Variants in RPS6KA5 observed in about 807,000 individuals in gnomAD.
RPS6KA5 encodes ribosomal protein S6 kinase A5, also known as ribosomal protein S6 kinase alpha-5.
A neutral mutation model predicts 85.5 loss-of-function variants in RPS6KA5; 27 were observed. That is an observed-to-expected ratio of 0.32 (90% CI 0.23 to 0.44). The LOEUF is 0.44. RPS6KA5 is among the 20% of genes least tolerant of loss of function. The pLI, the probability that RPS6KA5 is intolerant of heterozygous loss-of-function variation, is 1.00. For synonymous variants in RPS6KA5, 334 were observed against 348.2 expected (o/e 0.96, Z 0.46); for missense variants, 811 against 980.9 (o/e 0.83, Z 2.31).
intron 9 of RPS6KA5, among the ~76,000 whole-genome samples, chr14:90,902,186 A>AG (rs2035207250): frequency 6.7e-6 from 1 of 150,182 alleles, no homozygotes; most frequent in African/African-American, 2.5e-5. Flanking sequence ...TGTTTCTTAA[A>AG]AAAAAAAAAT....
At chr14:91,001,527 C>T (rs1011061539) in intron 1 of RPS6KA5, among the ~76,000 whole-genome samples, 14 of 152,196 alleles carry the variant, frequency 9.2e-5, no homozygotes, top group African/African-American at 2.6e-4. Context: ...ATTTATGATT[C>T]GACAAACATT....
chr14:91,005,388 CAT>C (rs1008921311), intron 1 of RPS6KA5, among the ~76,000 whole-genome samples: 9 of 152,202 alleles, frequency 5.9e-5, no homozygotes, highest in Non-Finnish European at 1.0e-4. Flanking sequence ...TTAGCAACCA[CAT>C]GTTTTTGTTG....
chr14:90,912,797 C>G (rs547401744), intron 7 of RPS6KA5, among the ~76,000 whole-genome samples: 41 of 151,984 alleles, frequency 2.7e-4, no homozygotes, highest in African/African-American at 9.6e-4. Context: ...TCTGTGGAAT[C>G]TGTGACTGCA....
At chr14:91,054,077 C>A (rs922249850) in intron 1 of RPS6KA5, among the ~76,000 whole-genome samples, 1 of 152,120 alleles carries the variant, frequency 6.6e-6, no homozygotes, top group African/African-American at 2.4e-5. Context: ...GGTGCCAAGA[C>A]ATTAAAATGG....
At chr14:91,016,019 G>A (rs975938499) in intron 1 of RPS6KA5, among the ~76,000 whole-genome samples, 7 of 152,168 alleles carry the variant, frequency 4.6e-5, no homozygotes, top group African/African-American at 1.7e-4. Flanking sequence ...GGGTGCTGTG[G>A]TGGGACTTAG....
rs1367400980 is a variant in RPS6KA5, at chr14:90,868,776, C to A, written c.*3298G>T. 1 of 152,130 alleles carries A rather than the reference C, an allele frequency of 6.6e-6. No homozygotes were observed. The highest frequency in any genetic ancestry group is 2.4e-5 in the African/African-American group (1 of 41,416). The allele number at this position is 152,130 out of a possible 1,614,324, so 9.4% of individuals were successfully genotyped here. A position where few individuals can be genotyped will look rare whatever the true frequency, so the allele number is the denominator to read the frequency against. ...AAAGTAGTGTATTTGAGAACATAAACTGAGATACAAAAGGAATTTCCTTAC... is the reference window on the plus strand; with the variant it reads ...AAAGTAGTGTATTTGAGAACATAAAATGAGATACAAAAGGAATTTCCTTAC... On this transcript the variant is annotated 3_prime_UTR_variant, in exon 17 of 17. Transcript: ENST00000614987.
At chr14:90,897,805 A>G (rs540247647) in intron 12 of RPS6KA5, among the ~76,000 whole-genome samples, 1 of 152,338 alleles carries the variant, frequency 6.6e-6, no homozygotes, top group Non-Finnish European at 1.5e-5. Flanking sequence ...CTGCAAACCC[A>G]GAGGAGAGCA....
At chr14:91,004,973 AAAAAAAACAAAAAAAC>A (rs746800335) in intron 1 of RPS6KA5, among the ~76,000 whole-genome samples, 7 of 151,906 alleles carry the variant, frequency 4.6e-5, no homozygotes, top group Non-Finnish European at 7.4e-5. Flanking sequence ...CCGTCTCAAA[AAAAAAAACAAAAAAAC>A]AAAAAAACAA....
intron 1 of RPS6KA5, among the ~76,000 whole-genome samples, chr14:91,005,542 A>AT (rs1247273628): frequency 2.0e-5 from 3 of 151,638 alleles, no homozygotes; most frequent in African/African-American, 7.3e-5. Flanking sequence ...CATTATAAAG[A>AT]TTTTTTTCAC....
Position 91,039,940 on chromosome 14 carries a change from T to A in RPS6KA5, c.103+20392A>T, listed in dbSNP as rs185469142. On this transcript the variant is annotated intron_variant, in intron 1 of 16. Transcript: ENST00000614987. ...ATTAGATTAGACACTGAACTTAGAC[T>A]ATGGTAATGGCAATGATGAGCAAGA... Among the ~76,000 whole-genome samples, 408 of 152,344 alleles carry A rather than the reference T, an allele frequency of 2.7e-3. 3 individuals carry two copies. The highest frequency in any genetic ancestry group is 4.7e-3 in the Non-Finnish European group (319 of 68,026).
chr14:90,951,384 G>T (rs933364640), intron 3 of RPS6KA5, among the ~76,000 whole-genome samples: 4 of 151,924 alleles, frequency 2.6e-5, no homozygotes, highest in African/African-American at 9.7e-5. Flanking sequence ...TACTTGGGAG[G>T]CTGAGGCAGG....
chr14:90,908,233 A>G (rs1947630319), intron 7 of RPS6KA5, among the ~76,000 whole-genome samples: 1 of 152,258 alleles, frequency 6.6e-6, no homozygotes, highest in South Asian at 2.1e-4. Context: ...TCTGGAAAGA[A>G]GAACACAAGG....
intron 1 of RPS6KA5, chr14:91,059,996 G>A (rs2043571345): frequency 4.1e-6 from 4 of 975,256 alleles, no homozygotes; most frequent in Non-Finnish European, 4.9e-6. Context: ...GCCCTGACAG[G>A]ACGCAGACAC....
intron 1 of RPS6KA5, among the ~76,000 whole-genome samples, chr14:91,012,365 T>C (rs1178164779): frequency 1.3e-5 from 2 of 152,224 alleles, no homozygotes; most frequent in Admixed American, 1.3e-4. Context: ...ACTGTTCCTA[T>C]GTTATGAACT....
chr14:90,961,442 G>A (rs781395193), intron 3 of RPS6KA5, among the ~76,000 whole-genome samples: 5 of 152,156 alleles, frequency 3.3e-5, no homozygotes, highest in Non-Finnish European at 7.3e-5. Context: ...CTTTTGAGGA[G>A]CAGCCTCATC....
chr14:91,033,975 AT>A (rs1249325375), intron 1 of RPS6KA5, among the ~76,000 whole-genome samples: 2 of 152,202 alleles, frequency 1.3e-5, no homozygotes, highest in African/African-American at 4.8e-5. Flanking sequence ...ATGTAGATAA[AT>A]CCAAGAACAT....
intron 1 of RPS6KA5, among the ~76,000 whole-genome samples, chr14:91,019,238 A>T (rs2041636824): frequency 6.6e-6 from 1 of 152,194 alleles, no homozygotes; most frequent in African/African-American, 2.4e-5. Flanking sequence ...GGTCAAACAA[A>T]CACTATCCTG....
chr14:90,937,183 G>A (rs982756816), intron 5 of RPS6KA5, among the ~76,000 whole-genome samples: 12 of 152,058 alleles, frequency 7.9e-5, no homozygotes, highest in African/African-American at 2.4e-5. Context: ...TTCAAGTTCA[G>A]TACTACCAGG....
At chr14:90,974,247 C>T (rs148161389) in intron 3 of RPS6KA5, among the ~76,000 whole-genome samples, 1 of 152,044 alleles carries the variant, frequency 6.6e-6, no homozygotes. Flanking sequence ...TATTCCAGCT[C>T]AAAACGTTTA....
Sources: allele counts gnomAD v4.1 joint callset (sites outside exome capture counted in the v4.1 genomes callset), GRCh38; gene constraint gnomAD v4.1.1; transcripts MANE v1.5; gene names NCBI Gene and HGNC (gene_info 2026-07-23, HGNC 2026-07-21).